The following CRLF3 variants were observed in gnomAD, a reference collection of about 807,000 sequenced individuals.
CRLF3 encodes cytokine receptor-like factor 3.
CRLF3 carries 33 observed loss-of-function variants against 55.0 expected under a neutral mutation model. The ratio of observed to expected loss-of-function variants is 0.60; its 90% CI spans 0.46 to 0.80. The LOEUF is 0.80. Among genes scored for constraint, CRLF3 ranks in the 30% least tolerant of loss-of-function variants. The pLI is 0.00. For missense variants in CRLF3, 494 were observed against 538.4 expected (o/e 0.92, Z 0.82); for synonymous variants, 238 against 196.8 (o/e 1.21, Z -1.75).
At chr17:30,808,610 T>A (rs899558335) in intron 1 of CRLF3, among the ~76,000 whole-genome samples, 22 of 148,758 alleles carry the variant, frequency 1.5e-4, no homozygotes, top group Admixed American at 4.0e-4. Context: ...ATATATATTT[T>A]TTTTTTGAGT....
Position 30,785,896 on chromosome 17 carries a change from A to T in CRLF3, c.1072+23T>A, listed in dbSNP as rs765834769. On this transcript the variant is annotated intron_variant, in intron 7 of 7. Coordinates refer to ENST00000324238, the MANE Select transcript of CRLF3 (RefSeq NM_015986.4). Reference sequence around the variant, plus strand: ...AAAATAATTAATATATTTCCAAGAGAATGACAGTTATTTATCTCTTACCAT... The same window carrying T: ...AAAATAATTAATATATTTCCAAGAGTATGACAGTTATTTATCTCTTACCAT... The T allele has an allele frequency of 2.5e-6, 3 of 1,195,924 alleles. No homozygotes were observed. In the African/African-American group the frequency reaches 4.5e-5, roughly 18 times the overall value. 74.1% of individuals were successfully genotyped at this position (1,195,924 alleles called of 1,614,324 possible).
At chr17:30,789,984 G>A (rs544391050) in intron 6 of CRLF3, among the ~76,000 whole-genome samples, 2 of 151,868 alleles carry the variant, frequency 1.3e-5, no homozygotes, top group South Asian at 4.2e-4. Flanking sequence ...TAGATTTTAG[G>A]TATTAGTTGT....
rs770536701 is a variant in CRLF3, at chr17:30,784,244, A to C, written c.1272T>G (p.Gly424=). The part of the protein sequence containing the change: ...VFDWLLDQSC[G]SLYFGCSFFY... ...AAAATGAGCATCCAAAGTAAAGAGA[A>C]CCACAAGACTGATCAAGTAACCAGT... The change falls in exon 8 of 8, where the codon GGT becomes GGG. Residue 424 remains glycine, a synonymous_variant. Transcript: ENST00000324238. The C allele has an allele frequency of 1.2e-6, 2 of 1,613,576 alleles. No homozygotes were observed. Among genetic ancestry groups the C allele is most frequent in the Admixed American group, 1.7e-5 (1 of 59,946 alleles).
At chr17:30,792,743 C>CAA (rs10645005) in intron 5 of CRLF3, 171 bp from the exon 6 acceptor site, 167,306 of 505,152 alleles carry the variant, frequency 0.33, 32,985 homozygotes, top group African/African-American at 0.72. Context: ...CCACAAATTA[C>CAA]AAAAGATTTT....
At chr17:30,804,130 CTCAAAA>C in intron 1 of CRLF3, 22 bp from the exon 2 acceptor site, 1 of 1,553,596 alleles carries the variant, frequency 6.4e-7, no homozygotes, top group Non-Finnish European at 8.9e-7. Flanking sequence ...TAACAAAATA[CTCAAAA>C]TCAGAATCTT....
intron 1 of CRLF3, among the ~76,000 whole-genome samples, chr17:30,816,454 A>G (rs774975048): frequency 6.9e-5 from 10 of 144,408 alleles, no homozygotes; most frequent in Non-Finnish European, 1.5e-4. Context: ...TTATATTACT[A>G]TATTTTTATG....
intron 1 of CRLF3, among the ~76,000 whole-genome samples, chr17:30,814,572 G>A (rs1904725238): frequency 6.6e-6 from 1 of 151,312 alleles, no homozygotes; most frequent in South Asian, 2.1e-4. Context: ...CAGGAGAATC[G>A]CTTGAACCCG....
chr17:30,785,065 T>C (rs1308042893), intron 7 of CRLF3: 2 of 148,828 alleles, frequency 1.3e-5, no homozygotes, highest in African/African-American at 2.5e-5. Context: ...CAAAATATTA[T>C]TAACATGTCT....
chr17:30,795,673 C>T (rs1276208054), intron 4 of CRLF3, among the ~76,000 whole-genome samples: 3 of 151,846 alleles, frequency 2.0e-5, no homozygotes, highest in Non-Finnish European at 4.4e-5. Context: ...CGGCGGCTCA[C>T]ACCTATAATC....
At chr17:30,791,440 C>T (rs1360751002) in intron 6 of CRLF3, among the ~76,000 whole-genome samples, 1 of 152,026 alleles carries the variant, frequency 6.6e-6, no homozygotes, top group Non-Finnish European at 1.5e-5. Context: ...CTCCTGACCA[C>T]AAGTGATCCA....
chr17:30,795,043 TAAAG>T (rs1448252849), intron 4 of CRLF3, among the ~76,000 whole-genome samples: 3 of 151,438 alleles, frequency 2.0e-5, no homozygotes, highest in African/African-American at 4.9e-5. Flanking sequence ...CATATGTCCA[TAAAG>T]AAACACAAGT....
intron 1 of CRLF3, among the ~76,000 whole-genome samples, chr17:30,817,674 G>A (rs764795490): frequency 2.1e-4 from 32 of 151,874 alleles, no homozygotes; most frequent in Non-Finnish European, 1.8e-4. Context: ...TTGGGAGGCC[G>A]AGGAAGGTGG....
At chr17:30,792,660 G>A (rs1410935378) in intron 5 of CRLF3, 88 bp from the exon 6 acceptor site, 5 of 1,238,988 alleles carry the variant, frequency 4.0e-6, no homozygotes, top group East Asian at 2.4e-5. Context: ...ATGGAAATGG[G>A]AGACTACTCT....
At chr17:30,788,325 C>G (rs907187470) in intron 6 of CRLF3, among the ~76,000 whole-genome samples, 8 of 118,468 alleles carry the variant, frequency 6.8e-5, no homozygotes, top group African/African-American at 2.4e-4. Context: ...GACTTTGTCT[C>G]AAAAAAAAAA....
chr17:30,809,108 C>T (rs75270613), intron 1 of CRLF3, among the ~76,000 whole-genome samples: 2,259 of 152,262 alleles, frequency 0.015, 50 homozygotes, highest in African/African-American at 0.052. Context: ...ATTTCCTCTT[C>T]AGAAAGAATT....
At position 30,784,356 on chromosome 17, in the gene CRLF3, A is replaced by G; in HGVS notation, c.1160T>C (p.Val387Ala). 6.2e-7 allele frequency: 1 copy of G among 1,614,096 alleles called. No individual in the cohort carries two copies. Among genetic ancestry groups the G allele is most frequent in the Non-Finnish European group, 8.5e-7 (1 of 1,179,944 alleles). ...GSTVTFDIEA[V>A]TLGTTSNNEG... The stretch of plus-strand genomic sequence containing the variant: ...ATTATTACTGGTGGTTCCTAGAGTC[A>G]CGGCTTCAATGTCAAACGTGACAGT... The change falls in exon 8 of 8, where the codon GTG (valine) becomes GCG (alanine). Residue 387 changes from valine (V) to alanine (A), a missense_variant. By Grantham distance (64) the Val-to-Ala change is moderately conservative. Transcript: ENST00000324238.
At chr17:30,798,270 A>G (rs1372489876) in intron 2 of CRLF3, among the ~76,000 whole-genome samples, 1 of 151,818 alleles carries the variant, frequency 6.6e-6, no homozygotes, top group Non-Finnish European at 1.5e-5. Flanking sequence ...CCCAGCTACT[A>G]GGGAGGCTGA....
At position 30,784,193 on chromosome 17, in the gene CRLF3, C is replaced by T. The variant is rs1971578095; in HGVS notation, c.1323G>A (p.Val441=). The T allele has an allele frequency of 1.2e-6, 2 of 1,613,230 alleles. No individual in the cohort carries two copies. Among genetic ancestry groups the T allele is most frequent in the Admixed American group, 1.7e-5 (1 of 59,892 alleles). ...AAGCCAAGCACCCAAACATCTAAAA[C>T]ACTAACACTTTCCATCCAGGATAGA... is the stretch of plus-strand genomic sequence containing the variant. ...SFFYPGWKVL[V]F is the part of the protein sequence containing the mutation. Residue 441 remains valine, a synonymous_variant, in exon 8 of 8, where the codon GTG becomes GTA. Coordinates refer to ENST00000324238, the MANE Select transcript of CRLF3 (RefSeq NM_015986.4).
chr17:30,801,203 G>A (rs1324518516), intron 2 of CRLF3: 1 of 152,060 alleles, frequency 6.6e-6, no homozygotes, highest in Admixed American at 6.6e-5. Context: ...TTACAGGTGT[G>A]AGCCATTGTG....
Sources: gnomAD v4.1 joint callset for allele counts (sites outside exome capture counted in the v4.1 genomes callset) on GRCh38, gnomAD v4.1.1 for gene constraint, MANE v1.5 for transcripts, NCBI Gene and HGNC (gene_info 2026-07-23, HGNC 2026-07-21) for gene names.